Variants in CTDSPL observed in about 807,000 individuals in gnomAD.
The protein encoded by CTDSPL is CTD small phosphatase like, also known as CTD small phosphatase-like protein.
CTDSPL carries 8 observed loss-of-function variants against 30.5 expected under a neutral mutation model. The ratio of observed to expected loss-of-function variants is 0.26; its 90% CI spans 0.15 to 0.47. The LOEUF (loss-of-function observed/expected upper bound fraction) is 0.47. Ranked by LOEUF, CTDSPL falls within the 20% of genes least tolerant of loss-of-function variation. The pLI is 0.99. For missense variants in CTDSPL, 248 were observed against 366.1 expected, an observed-to-expected ratio of 0.68 and a Z score of 2.63; for synonymous variants, 110 against 137.9, an observed-to-expected ratio of 0.80 and a Z score of 1.42.
chr3:37,921,032 G>A (rs925865251), intron 1 of CTDSPL, among the ~76,000 whole-genome samples: 10 of 152,182 alleles, frequency 6.6e-5, no homozygotes, highest in Non-Finnish European at 1.3e-4. Context: ...ATAGGTCAGC[G>A]CATTCATGAC....
intron 2 of CTDSPL, among the ~76,000 whole-genome samples, chr3:37,950,239 T>C (rs1699091863): frequency 6.6e-6 from 1 of 152,168 alleles, no homozygotes; most frequent in Non-Finnish European, 1.5e-5. Flanking sequence ...CATTTGCCAC[T>C]TCCCAGAGAG....
chr3:37,877,657 C>T (rs756935772), intron 1 of CTDSPL, among the ~76,000 whole-genome samples: 4 of 141,320 alleles, frequency 2.8e-5, no homozygotes, highest in Non-Finnish European at 4.8e-5. Flanking sequence ...GAGTAACTTC[C>T]TGTATTAGTC....
intron 5 of CTDSPL, among the ~76,000 whole-genome samples, chr3:37,971,159 A>G (rs1699362733): frequency 6.6e-6 from 1 of 152,076 alleles, no homozygotes; most frequent in Non-Finnish European, 1.5e-5. Flanking sequence ...CCCTCACACC[A>G]TGGTCAGCTT....
Position 37,975,644 on chromosome 3 carries a change from C to T in CTDSPL, c.520-65C>T, listed in dbSNP as rs1301726090. 2.2e-6 allele frequency: 3 copies of T among 1,386,374 alleles called. No homozygotes were observed. In the Admixed American group the frequency reaches 6.6e-5, roughly 31 times the overall value. 85.9% of individuals were successfully genotyped at this position (1,386,374 alleles called of 1,614,324 possible). A position where few individuals can be genotyped will look rare whatever the true frequency, so the allele number is the denominator to read the frequency against. Reference sequence around the variant, plus strand: ...AAAAAACGTAATCTGGATCTTGCTGCTGTAGTTCAGGGTTTGGGGGGCTCT... The same window carrying T: ...AAAAAACGTAATCTGGATCTTGCTGTTGTAGTTCAGGGTTTGGGGGGCTCT... On this transcript the variant is annotated intron_variant, in intron 6 of 7. Coordinates refer to ENST00000273179, the MANE Select transcript of CTDSPL (RefSeq NM_001008392.2). This position sits in a 1 kb window ranked among gnomAD's most constrained non-coding sequence, Gnocchi z 4.9.
At chr3:37,864,345 A>G (rs907476671) in intron 1 of CTDSPL, among the ~76,000 whole-genome samples, 11 of 152,214 alleles carry the variant, frequency 7.2e-5, no homozygotes, top group Non-Finnish European at 1.3e-4. Flanking sequence ...CAAACCATGT[A>G]CAAATACTCC....
At chr3:37,954,986 T>G (rs9311171) in intron 2 of CTDSPL, 36,065 of 152,188 alleles carry the variant, frequency 0.24, 5,885 homozygotes, top group African/African-American at 0.46. Context: ...TGGGCATTTT[T>G]TCAGGCCCTT....
chr3:37,875,364 T>G (rs1185023432), intron 1 of CTDSPL, among the ~76,000 whole-genome samples: 1 of 152,266 alleles, frequency 6.6e-6, no homozygotes, highest in African/African-American at 2.4e-5. Flanking sequence ...TAATTTATAT[T>G]AAGGCTATTT....
intron 1 of CTDSPL, chr3:37,911,557 G>C: frequency 2.4e-6 from 1 of 412,060 alleles, no homozygotes; most frequent in Non-Finnish European, 4.9e-6. Flanking sequence ...ATTAGCTATA[G>C]AGTAGCTATT....
chr3:37,973,964 G>C (rs1027682154), intron 6 of CTDSPL, among the ~76,000 whole-genome samples: 1 of 152,206 alleles, frequency 6.6e-6, no homozygotes, highest in African/African-American at 2.4e-5. Context: ...TGTCCAGCCT[G>C]TGACCCACAG....
intron 1 of CTDSPL, among the ~76,000 whole-genome samples, chr3:37,905,130 C>G (rs1698499246): frequency 6.6e-6 from 1 of 152,138 alleles, no homozygotes; most frequent in South Asian, 2.1e-4. Context: ...AAAAGCTGAG[C>G]AAAAATGCTC....
intron 7 of CTDSPL, 33 bp from the exon 8 acceptor site, chr3:37,980,709 G>T: frequency 6.2e-7 from 1 of 1,613,344 alleles, no homozygotes; most frequent in Non-Finnish European, 8.5e-7. Context: ...GCTAGATGCA[G>T]TCCTGCTGCC....
At chr3:37,875,105 T>G (rs1338244480) in intron 1 of CTDSPL, among the ~76,000 whole-genome samples, 1 of 152,246 alleles carries the variant, frequency 6.6e-6, no homozygotes, top group East Asian at 1.9e-4. Flanking sequence ...CTTGTCTTTA[T>G]GGCTCTGAAA....
At chr3:37,980,109 T>C (rs1466562739) in intron 7 of CTDSPL, among the ~76,000 whole-genome samples, 1 of 152,220 alleles carries the variant, frequency 6.6e-6, no homozygotes, top group East Asian at 1.9e-4. Flanking sequence ...TCAAATTTGT[T>C]TATAAATCTC....
intron 1 of CTDSPL, among the ~76,000 whole-genome samples, chr3:37,885,314 A>G (rs1011639649): frequency 4.1e-4 from 62 of 152,214 alleles, no homozygotes; most frequent in Non-Finnish European, 8.8e-5. Context: ...TAGCCATGGA[A>G]GTAAAGGAAC....
intron 1 of CTDSPL, among the ~76,000 whole-genome samples, chr3:37,893,538 A>G (rs771861479): frequency 6.6e-5 from 10 of 152,182 alleles, no homozygotes; most frequent in Non-Finnish European, 1.3e-4. Flanking sequence ...TCCAACTCGA[A>G]TGTGTCCTTT....
At chr3:37,930,467 TTAC>T (rs958220258) in intron 1 of CTDSPL, among the ~76,000 whole-genome samples, 1 of 151,928 alleles carries the variant, frequency 6.6e-6, no homozygotes. Flanking sequence ...ATGATTATTA[TTAC>T]TACTACTACT....
At chr3:37,940,522 T>C (rs1698966402) in intron 1 of CTDSPL, among the ~76,000 whole-genome samples, 1 of 150,494 alleles carries the variant, frequency 6.6e-6, no homozygotes, top group African/African-American at 2.4e-5. Flanking sequence ...GGCTTCATGC[T>C]CAGGTAGGTA....
chr3:37,933,447 G>T (rs756080932), intron 1 of CTDSPL, among the ~76,000 whole-genome samples: 1 of 152,112 alleles, frequency 6.6e-6, no homozygotes, highest in Non-Finnish European at 1.5e-5. Flanking sequence ...ATTTAATTTT[G>T]TATTTAGAGG....
rs528013379 is a variant in CTDSPL, at chr3:37,917,600, T to C, written c.80-29457T>C. ...AATGCCAGACCATAATGTGCTGATATAGTTTTACTATTAAACGTTTCCATT... is the reference window on the plus strand; with the variant it reads ...AATGCCAGACCATAATGTGCTGATACAGTTTTACTATTAAACGTTTCCATT... On this transcript the variant is annotated intron_variant, in intron 1 of 7. Transcript: ENST00000273179. Among the ~76,000 whole-genome samples the C allele has an allele frequency of 5.3e-5, 8 of 152,356 alleles. No homozygotes were observed. The South Asian group carries it at 1.7e-3, about 32-fold the overall frequency.
Sources: gnomAD v4.1 joint callset for allele counts (sites outside exome capture counted in the v4.1 genomes callset) on GRCh38, gnomAD v4.1.1 for gene constraint, Gnocchi (gnomAD v3.1) non-coding constraint, MANE v1.5 for transcripts, NCBI Gene and HGNC (gene_info 2026-07-23, HGNC 2026-07-21) for gene names.